Variants in MTSS1 observed in about 807,000 individuals in gnomAD.
MTSS1 encodes protein MTSS 1.
Under a neutral mutation model 79.0 loss-of-function variants are expected in MTSS1, and 18 were observed. The observed-to-expected ratio is 0.23, with a 90% CI of 0.16 to 0.34. MTSS1 has a LOEUF of 0.34. MTSS1 is among the 10% of genes least tolerant of loss of function. The pLI is 1.00. For synonymous variants in MTSS1, 341 were observed against 368.6 expected, an observed-to-expected ratio of 0.93 and a Z score of 0.86; for missense variants, 815 against 986.2, an observed-to-expected ratio of 0.83 and a Z score of 2.33.
At chr8:124,710,649 G>A (rs1831024694) in intron 1 of MTSS1, among the ~76,000 whole-genome samples, 1 of 152,000 alleles carries the variant, frequency 6.6e-6, no homozygotes, top group Admixed American at 6.6e-5. Flanking sequence ...TTGAACAGAG[G>A]CCCAGGACGG....
chr8:124,658,576 G>C (rs1401468106), intron 3 of MTSS1, among the ~76,000 whole-genome samples: 1 of 152,166 alleles, frequency 6.6e-6, no homozygotes, highest in African/African-American at 2.4e-5. Flanking sequence ...AAGCACGGCA[G>C]CTTCTGCTTC....
intron 2 of MTSS1, among the ~76,000 whole-genome samples, chr8:124,703,575 GCCACCACA>G (rs1228092729): frequency 6.6e-6 from 1 of 152,198 alleles, no homozygotes; most frequent in Non-Finnish European, 1.5e-5. Flanking sequence ...ACAGGTGTGA[GCCACCACA>G]CCCAGCCAAC....
chr8:124,575,641 A>G (rs548164509), intron 6 of MTSS1, among the ~76,000 whole-genome samples: 69 of 152,268 alleles, frequency 4.5e-4, no homozygotes, highest in African/African-American at 1.7e-3. Context: ...TTTTTGATGT[A>G]AGAAAATGCA....
intron 3 of MTSS1, among the ~76,000 whole-genome samples, chr8:124,599,399 C>T (rs1229462131): frequency 6.7e-6 from 1 of 149,102 alleles, no homozygotes; most frequent in Non-Finnish European, 1.5e-5. Context: ...AGGAGAATCA[C>T]TTGAACCCGG....
At chr8:124,657,307 T>C (rs1315528254) in intron 3 of MTSS1, among the ~76,000 whole-genome samples, 3 of 152,094 alleles carry the variant, frequency 2.0e-5, no homozygotes, top group East Asian at 1.9e-4. Context: ...AAGTTGATGG[T>C]TACTGAAGCT....
intron 3 of MTSS1, among the ~76,000 whole-genome samples, chr8:124,659,289 T>C (rs928391591): frequency 7.9e-5 from 12 of 152,226 alleles, no homozygotes; most frequent in African/African-American, 2.7e-4. Flanking sequence ...TCAATTACCA[T>C]AGTAATTTAA....
chr8:124,621,821 T>C (rs1391013119), intron 3 of MTSS1, among the ~76,000 whole-genome samples: 1 of 152,148 alleles, frequency 6.6e-6, no homozygotes, highest in African/African-American at 2.4e-5. Context: ...GGTGCTGGGA[T>C]TACAGGCGTG....
rs985535277 is a variant in MTSS1, at chr8:124,597,771, G to T, written c.209-6536C>A. On this transcript the variant is annotated intron_variant, in intron 3 of 13. Coordinates refer to ENST00000518547, the MANE Select transcript of MTSS1 (RefSeq NM_014751.6). This position sits in a 1 kb window ranked among gnomAD's most constrained non-coding sequence, Gnocchi z 4.6. Reference sequence around the variant, plus strand: ...ACTGCTTTGGTGAAAGTGTGCCGCCGTCACAGTAAGTCACTGTGCATCTCT... The same window carrying T: ...ACTGCTTTGGTGAAAGTGTGCCGCCTTCACAGTAAGTCACTGTGCATCTCT... Among the ~76,000 whole-genome samples, 8 of 152,214 alleles carry T rather than the reference G, an allele frequency of 5.3e-5. No individual in the cohort carries two copies. Among genetic ancestry groups the T allele is most frequent in the African/African-American group, 1.9e-4 (8 of 41,436 alleles).
chr8:124,619,910 T>TACAAAAATTACAGC (rs1813134669), intron 3 of MTSS1, among the ~76,000 whole-genome samples: 1 of 151,830 alleles, frequency 6.6e-6, no homozygotes, highest in Admixed American at 6.6e-5. Flanking sequence ...GCAATAACAG[T>TACAAAAATTACAGC]ACAAAAATTA....
chr8:124,637,717 A>G (rs1817278249), intron 3 of MTSS1, among the ~76,000 whole-genome samples: 1 of 152,216 alleles, frequency 6.6e-6, no homozygotes, highest in Non-Finnish European at 1.5e-5. Context: ...TCTCCCCCCA[A>G]AGCAGCATGC....
At chr8:124,632,297 A>AG (rs200915355) in intron 3 of MTSS1, among the ~76,000 whole-genome samples, 2 of 150,702 alleles carry the variant, frequency 1.3e-5, no homozygotes, top group African/African-American at 4.9e-5. Flanking sequence ...AAAAAAAAAA[A>AG]AGGTAAGGAA....
intron 3 of MTSS1, among the ~76,000 whole-genome samples, chr8:124,640,164 G>T (rs1279326587): frequency 1.3e-5 from 2 of 152,190 alleles, no homozygotes; most frequent in African/African-American, 4.8e-5. Flanking sequence ...GTCAAGCTGG[G>T]ATACAAACCC....
chr8:124,640,822 G>A (rs1286137476), intron 3 of MTSS1, among the ~76,000 whole-genome samples: 1 of 152,080 alleles, frequency 6.6e-6, no homozygotes, highest in African/African-American at 2.4e-5. Flanking sequence ...GATAACAGGC[G>A]TGAGCCACCG....
chr8:124,720,661 C>G (rs1347318105), intron 1 of MTSS1, among the ~76,000 whole-genome samples: 1 of 152,228 alleles, frequency 6.6e-6, no homozygotes, highest in African/African-American at 2.4e-5. Flanking sequence ...AAAAACTCAA[C>G]TTCTCCATTT....
chr8:124,662,311 G>A (rs1440667826), intron 3 of MTSS1, among the ~76,000 whole-genome samples: 3 of 152,090 alleles, frequency 2.0e-5, no homozygotes, highest in Non-Finnish European at 2.9e-5. Flanking sequence ...GGGCCCCTCC[G>A]CCAGGGCTCT....
intron 5 of MTSS1, 107 bp from the exon 6 acceptor site, chr8:124,585,268 T>G (rs926070021): frequency 1.3e-6 from 1 of 779,070 alleles, no homozygotes; most frequent in Non-Finnish European, 2.2e-6. Flanking sequence ...AACTGTGACA[T>G]GCCGTCAATG....
In MTSS1 at chr8:124,623,924, G is replaced by A. The variant is rs567941399; in HGVS notation, c.209-32689C>T. 4.6e-5 allele frequency among the ~76,000 whole-genome samples: 7 copies of A among 152,334 alleles called. No homozygotes were observed. The South Asian group carries it at 1.4e-3, about 32-fold the overall frequency. On this transcript the variant is annotated intron_variant, in intron 3 of 13. Coordinates refer to ENST00000518547, the MANE Select transcript of MTSS1 (RefSeq NM_014751.6). Reference sequence around the variant, plus strand: ...CTCCCAAAGCGCTAGGATTACAGGCGGAAGCCACCTTGCGGGGCCCGCGCT... The same window carrying A: ...CTCCCAAAGCGCTAGGATTACAGGCAGAAGCCACCTTGCGGGGCCCGCGCT...
chr8:124,613,569 T>C (rs907065208), intron 3 of MTSS1, among the ~76,000 whole-genome samples: 1 of 152,220 alleles, frequency 6.6e-6, no homozygotes, highest in African/African-American at 2.4e-5. Flanking sequence ...GTGTAACAAT[T>C]GGGAGGAGAG....
chr8:124,598,734 C>T (rs958931930), intron 3 of MTSS1, among the ~76,000 whole-genome samples: 1 of 152,212 alleles, frequency 6.6e-6, no homozygotes, highest in Non-Finnish European at 1.5e-5. Flanking sequence ...AGCCAGCAGG[C>T]ACTAACCCCC....
Sources: gnomAD v4.1 joint callset for allele counts (sites outside exome capture counted in the v4.1 genomes callset) on GRCh38, gnomAD v4.1.1 for gene constraint, Gnocchi (gnomAD v3.1) non-coding constraint, MANE v1.5 for transcripts, NCBI Gene and HGNC (gene_info 2026-07-23, HGNC 2026-07-21) for gene names.